CLDN14: variants seen among roughly 807,000 people sequenced by gnomAD.
CLDN14 encodes the protein claudin-14.
CLDN14 carries 2 observed loss-of-function variants against 2.1 expected under a neutral mutation model. The observed-to-expected ratio is 0.96, with a 90% CI of 0.39 to 3.01. The LOEUF (loss-of-function observed/expected upper bound fraction) is 3.01, where lower values mean the gene tolerates loss of function less well. CLDN14 is among the 30% of genes most tolerant of loss of function. The pLI, the probability that CLDN14 is intolerant of heterozygous loss-of-function variation, is 0.09. For missense variants in CLDN14, 298 were observed against 328.0 expected (o/e 0.91, Z 0.71); for synonymous variants, 136 against 154.4 (o/e 0.88, Z 0.88).
chr21:36,506,350 A>G (rs2087132467), intron 2 of CLDN14, among the ~76,000 whole-genome samples: 1 of 152,192 alleles, frequency 6.6e-6, no homozygotes, highest in Admixed American at 6.5e-5. Flanking sequence ...TAATCCCAGC[A>G]TTTTGGGAGG....
At chr21:36,565,584 G>A (rs2087667524) in intron 1 of CLDN14, among the ~76,000 whole-genome samples, 1 of 152,202 alleles carries the variant, frequency 6.6e-6, no homozygotes, top group African/African-American at 2.4e-5. Flanking sequence ...ACCAGCTTAA[G>A]GTTGCTGAAT....
At chr21:36,469,089 A>G (rs755347579) in intron 1 of CLDN14, among the ~76,000 whole-genome samples, 1 of 152,156 alleles carries the variant, frequency 6.6e-6, no homozygotes, top group Non-Finnish European at 1.5e-5. Context: ...GGCATCTTGG[A>G]CACTGTGTTT....
intron 2 of CLDN14, among the ~76,000 whole-genome samples, chr21:36,488,153 G>A (rs2086916433): frequency 6.6e-6 from 1 of 152,054 alleles, no homozygotes; most frequent in Non-Finnish European, 1.5e-5. Context: ...GCTCCAACAC[G>A]GCTGAACCTT....
At chr21:36,528,609 C>T (rs1456995347) in intron 1 of CLDN14, among the ~76,000 whole-genome samples, 1 of 152,198 alleles carries the variant, frequency 6.6e-6, no homozygotes, top group Non-Finnish European at 1.5e-5. Context: ...GGTCTCTTCC[C>T]CCGTCCACAG....
intron 1 of CLDN14, among the ~76,000 whole-genome samples, chr21:36,574,495 A>T (rs2087728583): frequency 6.6e-6 from 1 of 152,246 alleles, no homozygotes; most frequent in African/African-American, 2.4e-5. Context: ...GAAAATTCAA[A>T]TAAGACAATA....
chr21:36,470,094 A>G (rs2086692476), intron 1 of CLDN14, among the ~76,000 whole-genome samples: 1 of 152,170 alleles, frequency 6.6e-6, no homozygotes, highest in Non-Finnish European at 1.5e-5. Flanking sequence ...ACATACAAAC[A>G]TTTCCTCAAG....
At chr21:36,556,130 CG>C (rs1462765357) in intron 1 of CLDN14, among the ~76,000 whole-genome samples, 1 of 152,136 alleles carries the variant, frequency 6.6e-6, no homozygotes, top group East Asian at 1.9e-4. Flanking sequence ...CAGCTCACCT[CG>C]GGGACCCTTT....
Position 36,551,851 on chromosome 21 carries a change from G to A in CLDN14, c.-220+24560C>T, listed in dbSNP as rs1278440255. ...CTGCTCCTGTCCTGTCGGTCGAGAG[G>A]AGAGTGCAGCATGACCCAACAGCCC... On this transcript the variant is annotated intron_variant, in intron 1 of 2. Coordinates refer to the CLDN14 transcript ENST00000342108. The surrounding 1 kb of genome is among the most constrained non-coding windows in gnomAD (Gnocchi z 4.8). Among the ~76,000 whole-genome samples, 2 of 152,194 alleles carry A rather than the reference G, an allele frequency of 1.3e-5. No individual in the cohort carries two copies. The highest frequency in any genetic ancestry group is 4.8e-5 in the African/African-American group (2 of 41,454).
chr21:36,491,222 A>G (rs919686429), intron 2 of CLDN14, among the ~76,000 whole-genome samples: 1 of 152,184 alleles, frequency 6.6e-6, no homozygotes, highest in African/African-American at 2.4e-5. Context: ...TAGGATCCCC[A>G]GATATCCTGA....
At chr21:36,575,751 T>C (rs2087737415) in intron 1 of CLDN14, among the ~76,000 whole-genome samples, 1 of 152,236 alleles carries the variant, frequency 6.6e-6, no homozygotes, top group South Asian at 2.1e-4. Context: ...GCTGTTGATG[T>C]CATTCCTCTG....
At chr21:36,472,680 A>G (rs1432485414) in intron 1 of CLDN14, among the ~76,000 whole-genome samples, 1 of 152,222 alleles carries the variant, frequency 6.6e-6, no homozygotes, top group Non-Finnish European at 1.5e-5. Context: ...AGCCACAGAA[A>G]TTAATTTTCT....
At chr21:36,539,384 G>GCA (rs1568874584) in intron 1 of CLDN14, among the ~76,000 whole-genome samples, 4 of 146,172 alleles carry the variant, frequency 2.7e-5, no homozygotes, top group Non-Finnish European at 3.0e-5. Context: ...GAGTGTGTGT[G>GCA]GAGTGAGTGT....
At chr21:36,574,384 A>G (rs1269809740) in intron 1 of CLDN14, among the ~76,000 whole-genome samples, 1 of 152,244 alleles carries the variant, frequency 6.6e-6, no homozygotes, top group Admixed American at 6.5e-5. Flanking sequence ...ATAAAAAACT[A>G]TAAACTGCAG....
chr21:36,564,214 G>C (rs1261462462), intron 1 of CLDN14, among the ~76,000 whole-genome samples: 1 of 152,210 alleles, frequency 6.6e-6, no homozygotes, highest in Non-Finnish European at 1.5e-5. Context: ...TAGAAATCTG[G>C]CATGTGTCAA....
chr21:36,473,745 C>G (rs1236103004), intron 1 of CLDN14, among the ~76,000 whole-genome samples: 1 of 152,104 alleles, frequency 6.6e-6, no homozygotes, highest in Non-Finnish European at 1.5e-5. Context: ...GGCTCCAGGG[C>G]TGATTCTAGG....
chr21:36,489,862 C>T (rs999543322), intron 2 of CLDN14, among the ~76,000 whole-genome samples: 2 of 152,354 alleles, frequency 1.3e-5, no homozygotes, highest in South Asian at 4.1e-4. Flanking sequence ...AAGTTCTTTC[C>T]TCCCCCAGTA....
chr21:36,537,269 G>A (rs2087431448), intron 1 of CLDN14, among the ~76,000 whole-genome samples: 1 of 152,028 alleles, frequency 6.6e-6, no homozygotes, highest in African/African-American at 2.4e-5. Context: ...TCCAGGCTGT[G>A]GGGTTGTCTA....
chr21:36,548,407 T>G (rs748899126), intron 1 of CLDN14, among the ~76,000 whole-genome samples: 3 of 152,188 alleles, frequency 2.0e-5, no homozygotes, highest in Non-Finnish European at 4.4e-5. Context: ...TCACTAAATG[T>G]TCATTGACCA....
chr21:36,496,580 C>T (rs986434059), intron 2 of CLDN14, among the ~76,000 whole-genome samples: 1 of 149,614 alleles, frequency 6.7e-6, no homozygotes, highest in Admixed American at 6.7e-5. Flanking sequence ...CCTGCTCCCC[C>T]TTCCTAGTCT....
Sources: allele counts gnomAD v4.1 joint callset (sites outside exome capture counted in the v4.1 genomes callset), GRCh38; gene constraint gnomAD v4.1.1; non-coding constraint Gnocchi (gnomAD v3.1); transcripts MANE v1.5; gene names NCBI Gene and HGNC (gene_info 2026-07-23, HGNC 2026-07-21).